Variants in OSBPL2 observed in about 807,000 individuals in gnomAD.
The protein encoded by OSBPL2 is oxysterol-binding protein-related protein 2.
OSBPL2 carries 18 observed loss-of-function variants against 58.4 expected under a neutral mutation model. The ratio of observed to expected loss-of-function variants is 0.31; its 90% CI spans 0.21 to 0.46. The LOEUF (loss-of-function observed/expected upper bound fraction) is 0.46. Ranked by LOEUF, OSBPL2 falls within the 20% of genes least tolerant of loss-of-function variation. The probability of loss-of-function intolerance (pLI) is 1.00; values close to 1 mark genes in which losing one functional copy is unlikely to be tolerated. For missense variants in OSBPL2, 461 were observed against 616.5 expected (o/e 0.75, Z 2.67); for synonymous variants, 221 against 234.1 (o/e 0.94, Z 0.51).
At chr20:62,280,245 A>T (rs1278678916) in intron 7 of OSBPL2, 1 of 642,798 alleles carries the variant, frequency 1.6e-6, no homozygotes, top group East Asian at 6.7e-5. Context: ...GTTTTGCTTC[A>T]CATTGGCCCT....
intron 1 of OSBPL2, among the ~76,000 whole-genome samples, chr20:62,247,741 A>G (rs1980225239): frequency 6.7e-6 from 1 of 148,498 alleles, no homozygotes; most frequent in African/African-American, 2.5e-5. Context: ...ATCTCAGCTC[A>G]CTGCAATCTC....
intron 2 of OSBPL2, among the ~76,000 whole-genome samples, chr20:62,258,314 C>T (rs1044097580): frequency 1.4e-4 from 22 of 152,232 alleles, no homozygotes; most frequent in African/African-American, 5.3e-4. Flanking sequence ...ACTCTCGACT[C>T]CTTCACCGCC....
intron 1 of OSBPL2, among the ~76,000 whole-genome samples, chr20:62,242,937 A>G (rs562739218): frequency 1.3e-5 from 2 of 152,200 alleles, no homozygotes; most frequent in Non-Finnish European, 2.9e-5. Flanking sequence ...AGGCAGCTGT[A>G]GAGGAAGGAG....
At chr20:62,241,505 C>T (rs1338646072) in intron 1 of OSBPL2, among the ~76,000 whole-genome samples, 3 of 152,278 alleles carry the variant, frequency 2.0e-5, no homozygotes, top group East Asian at 1.9e-4. Flanking sequence ...AAGCTGCCAT[C>T]TCCTCAAGGT....
At chr20:62,246,030 G>A (rs772579261) in intron 1 of OSBPL2, among the ~76,000 whole-genome samples, 10 of 152,376 alleles carry the variant, frequency 6.6e-5, no homozygotes, top group Non-Finnish European at 1.2e-4. Flanking sequence ...TTGTGGGGTT[G>A]GTGTTTGAGA....
intron 2 of OSBPL2, chr20:62,259,273 T>C (rs1401618650): frequency 1.3e-5 from 2 of 152,246 alleles, no homozygotes; most frequent in Non-Finnish European, 2.9e-5. Context: ...CGTATGTTCC[T>C]GTTCCCTAGT....
At chr20:62,293,699 G>A (rs142673881) in intron 13 of OSBPL2, 86 bp from the exon 14 acceptor site, 1 of 1,177,172 alleles carries the variant, frequency 8.5e-7, no homozygotes, top group African/African-American at 1.6e-5. Context: ...TGCTGAGTTG[G>A]GGGAACACAC....
At position 62,243,863 on chromosome 20, in the gene OSBPL2, A is replaced by AAT. The variant is rs1555841084; in HGVS notation, c.-129+5266_-129+5267insAT. Reference sequence around the variant, plus strand: ...TTTTAAATTTTTTAATTAAAAAAAAATTTTTTTTGCAGAGGGTAGGGGGGT... The same window carrying AAT: ...TTTTAAATTTTTTAATTAAAAAAAAAATTTTTTTTTGCAGAGGGTAGGGGGGT... On this transcript the variant is annotated intron_variant, in intron 1 of 13. Coordinates refer to ENST00000313733, the MANE Select transcript of OSBPL2 (RefSeq NM_144498.4). Among the ~76,000 whole-genome samples the AAT allele has an allele frequency of 4.6e-5, 7 of 151,472 alleles. No individual in the cohort carries two copies. The East Asian group carries it at 5.9e-4, about 13-fold the overall frequency.
chr20:62,253,434 G>A (rs1980702898), intron 1 of OSBPL2, among the ~76,000 whole-genome samples: 1 of 152,156 alleles, frequency 6.6e-6, no homozygotes, highest in Admixed American at 6.5e-5. Context: ...CCCATGTACT[G>A]GTGCTCAGAT....
rs562304446 is a variant in OSBPL2, at chr20:62,268,039, T to C, written c.259-4086T>C. 2.1e-3 allele frequency among the ~76,000 whole-genome samples: 313 copies of C among 147,000 alleles called. 1 individual carries two copies. Among genetic ancestry groups the C allele is most frequent in the African/African-American group, 6.7e-3 (270 of 40,294 alleles). On this transcript the variant is annotated intron_variant, in intron 4 of 13. Coordinates refer to ENST00000313733, the MANE Select transcript of OSBPL2 (RefSeq NM_144498.4). ...CTGGGACTACAGGCGCCTGCCACCG[T>C]GCCCGGCTAATTTTTTTTTTTTTTT...
Position 62,289,258 on chromosome 20 carries a change from A to G in OSBPL2, c.1177A>G (p.Met393Val), listed in dbSNP as rs1360754917. ...TVSLNELETGMEKTLPPTDCR... is the reference protein window; with the variant it reads ...TVSLNELETGVEKTLPPTDCR... ...GAGCCTCAACGAGCTGGAGACAGGC[A>G]TGGAGAAGACCCTGCCACCCACGGA... is the stretch of plus-strand genomic sequence containing the variant. The change falls in exon 12 of 14, where the codon ATG becomes GTG. Residue 393 changes from methionine (M) to valine (V), a missense_variant. This residue lies in a region of OSBPL2 where 319 missense variants were observed against 419.2 expected (regional missense o/e 0.76). Transcript: ENST00000313733. The G allele has an allele frequency of 1.2e-6, 2 of 1,613,896 alleles. No homozygotes were observed. The highest frequency in any genetic ancestry group is 1.7e-6 in the Non-Finnish European group (2 of 1,179,914).
intron 1 of OSBPL2, among the ~76,000 whole-genome samples, chr20:62,252,175 C>T (rs1980600030): frequency 6.6e-6 from 1 of 151,486 alleles, no homozygotes; most frequent in Admixed American, 6.5e-5. Flanking sequence ...GGAACCACTG[C>T]ACCTGGCCAG....
At chr20:62,273,072 G>A (rs1395635810) in intron 5 of OSBPL2, among the ~76,000 whole-genome samples, 3 of 152,232 alleles carry the variant, frequency 2.0e-5, no homozygotes, top group Non-Finnish European at 2.9e-5. Flanking sequence ...GCCTGGCTCC[G>A]GGGGTGGAAG....
chr20:62,259,599 C>G (rs920608372), intron 2 of OSBPL2, among the ~76,000 whole-genome samples: 32 of 152,196 alleles, frequency 2.1e-4, no homozygotes, highest in African/African-American at 7.2e-4. Flanking sequence ...CCACAACGGG[C>G]GCATCGCAGC....
chr20:62,261,039 C>CAGGCGCAGTGGCTCATGCCTAT (rs1327383368), intron 3 of OSBPL2, among the ~76,000 whole-genome samples: 26 of 150,306 alleles, frequency 1.7e-4, no homozygotes, highest in African/African-American at 6.4e-4. Context: ...AAGCACGAGC[C>CAGGCGCAGTGGCTCATGCCTAT]AGGCGCAGTG....
intron 4 of OSBPL2, among the ~76,000 whole-genome samples, chr20:62,270,104 G>A (rs1981960051): frequency 6.6e-6 from 1 of 152,216 alleles, no homozygotes; most frequent in Non-Finnish European, 1.5e-5. Context: ...TCCTTGTGGT[G>A]CTGTGCACAC....
chr20:62,242,362 C>G (rs901713709), intron 1 of OSBPL2: 1 of 152,254 alleles, frequency 6.6e-6, no homozygotes, highest in Non-Finnish European at 1.5e-5. Context: ...AATGTCACAG[C>G]ATCCACATTC....
Position 62,262,790 on chromosome 20 carries a change from G to A in OSBPL2, c.183-826G>A, listed in dbSNP as rs1187323356. On this transcript the variant is annotated intron_variant, in intron 3 of 13. Coordinates refer to ENST00000313733, the MANE Select transcript of OSBPL2 (RefSeq NM_144498.4). ...GGTTCTGCTGGGTGTGAGGCAAAAC[G>A]CCCCTCAAAGCAGCTTCCATGAAAT... 4.6e-5 allele frequency among the ~76,000 whole-genome samples: 7 copies of A among 152,248 alleles called. No individual in the cohort carries two copies. The East Asian group carries it at 7.7e-4, about 17-fold the overall frequency.
rs369486855 is a variant in OSBPL2, at chr20:62,289,289, G to A, written c.1208G>A (p.Arg403His). ...AAGACCCTGCCACCCACGGACTGCC[G>A]CCTGCGCCCTGACATCCGCGGCATG... is the stretch of plus-strand genomic sequence containing the variant. ...MEKTLPPTDC[R>H]LRPDIRGMEN... The change falls in exon 12 of 14, where the codon CGC becomes CAC. Residue 403 changes from arginine (R) to histidine (H), a missense_variant. Coordinates refer to ENST00000313733, the MANE Select transcript of OSBPL2 (RefSeq NM_144498.4). The A allele has an allele frequency of 3.7e-6, 6 of 1,613,232 alleles. No homozygotes were observed. Among genetic ancestry groups the A allele is most frequent in the Non-Finnish European group, 5.1e-6 (6 of 1,179,642 alleles).
Sources: gnomAD v4.1 joint callset for allele counts (sites outside exome capture counted in the v4.1 genomes callset) on GRCh38, gnomAD v4.1.1 for gene constraint, gnomAD v4.1.1 regional missense constraint, MANE v1.5 for transcripts, NCBI Gene and HGNC (gene_info 2026-07-23, HGNC 2026-07-21) for gene names.